The following ARMCX4 variants were observed in gnomAD, a reference collection of about 807,000 sequenced individuals.
ARMCX4 encodes armadillo repeat containing X-linked 4, also known as armadillo repeat-containing X-linked protein 4.
Under a neutral mutation model 34.7 loss-of-function variants are expected in ARMCX4, and 3 were observed. That is an observed-to-expected ratio of 0.09 (90% CI 0.04 to 0.22). The LOEUF (loss-of-function observed/expected upper bound fraction) is 0.22. Ranked by LOEUF, ARMCX4 falls within the 10% of genes least tolerant of loss-of-function variation. The pLI is 1.00. For missense variants in ARMCX4, 1,448 were observed against 1,720.8 expected (o/e 0.84, Z 2.81); for synonymous variants, 513 against 632.8 (o/e 0.81, Z 2.84).
intron 1 of ARMCX4, among the ~76,000 whole-genome samples, chrX:101,485,773 A>C (rs1342013357): frequency 8.9e-6 from 1 of 112,203 alleles, no homozygotes; most frequent in African/African-American, 3.2e-5. Flanking sequence ...CCATCGCTCT[A>C]ATCACTGGCC....
Position 101,493,416 on chromosome X carries a change from T to A in ARMCX4, c.4827T>A (p.Gly1609=), listed in dbSNP as rs1934058733. Residue 1609 remains glycine (G), a synonymous_variant, in exon 6 of 6, where the codon GGT becomes GGA. Coordinates refer to ENST00000423738, the MANE Select transcript of ARMCX4 (RefSeq NM_001256155.3). ...CTGAGGATCAGTCCAGTGGAATAGG[T>A]TCCTGGGGTGTGGCTGGTGGCCAGG... ...PGSEDQSSGI[G]SWGVAGGQVL... is the part of the protein sequence containing the mutation. 6.1e-6 allele frequency: 7 copies of A among 1,146,446 alleles called. No individual in the cohort carries two copies. Among genetic ancestry groups the A allele is most frequent in the Non-Finnish European group, 8.0e-6 (7 of 869,588 alleles). The allele number at this position is 1,146,446 out of a possible 1,213,427, so 94.5% of individuals were successfully genotyped here.
rs1556011590 is a variant in ARMCX4, at chrX:101,495,333, C to T, written c.6744C>T (p.Phe2248=). The part of the protein sequence containing the change: ...RRAKAFTQDK[F]SKNSLYFLFQ... ...CAAAAGCATTTACCCAGGACAAATT[C>T]AGTAAAAATTCCCTTTATTTCCTAT... Residue 2248 remains phenylalanine, a synonymous_variant, in exon 6 of 6, where the codon TTC becomes TTT. Transcript: ENST00000423738. The T allele has an allele frequency of 7.0e-6, 8 of 1,150,698 alleles. No homozygotes were observed. The South Asian group carries it at 1.3e-4, about 19-fold the overall frequency. The allele number at this position is 1,150,698 out of a possible 1,213,427, so 94.8% of individuals were successfully genotyped here.
intron 11 of ARMCX4, among the ~76,000 whole-genome samples, chrX:101,522,917 G>A (rs1556019468): frequency 8.9e-6 from 1 of 112,305 alleles, no homozygotes; most frequent in Non-Finnish European, 1.9e-5. Flanking sequence ...CATTTATATT[G>A]TATTTTATAT....
At chrX:101,500,833 C>T (rs940769550) in intron 7 of ARMCX4, among the ~76,000 whole-genome samples, 2 of 111,549 alleles carry the variant, frequency 1.8e-5, no homozygotes, top group Non-Finnish European at 3.8e-5. Context: ...CTGGACCACT[C>T]GAACATCCTT....
At chrX:101,431,785 T>C (rs1475505055) in intron 2 of ARMCX4, among the ~76,000 whole-genome samples, 103 of 112,077 alleles carry the variant, frequency 9.2e-4, no homozygotes, top group Admixed American at 1.8e-3. Context: ...CCTTGTGATC[T>C]GCCCGCCTCA....
intron 2 of ARMCX4, among the ~76,000 whole-genome samples, chrX:101,438,929 G>T (rs1219614647): frequency 2.7e-5 from 3 of 111,671 alleles, no homozygotes; most frequent in Non-Finnish European, 1.9e-5. Context: ...TATCCAATTT[G>T]CCAGTCTGTA....
chrX:101,488,886 C>A lies in ARMCX4; in HGVS notation c.297C>A (p.Ala99=). The change falls in exon 6 of 6, where the codon GCC becomes GCA. Residue 99 remains alanine (A), a synonymous_variant. Coordinates refer to ENST00000423738, the MANE Select transcript of ARMCX4 (RefSeq NM_001256155.3). ...TKATAIAIHR[A]NSQAKAMVGA... is the part of the protein sequence containing the mutation. ...CCACTGCTATAGCCATACACAGAGCCAACTCTCAGGCCAAGGCAATGGTTG... is the reference window on the plus strand; with the variant it reads ...CCACTGCTATAGCCATACACAGAGCAAACTCTCAGGCCAAGGCAATGGTTG... 2 of 1,156,142 alleles carry A rather than the reference C, an allele frequency of 1.7e-6. No homozygotes were observed. The highest frequency in any genetic ancestry group is 2.3e-6 in the Non-Finnish European group (2 of 872,966).
At chrX:101,496,322 A>G (rs1486789541), downstream of ARMCX4, among the ~76,000 whole-genome samples, 1 of 110,445 alleles carries the variant, frequency 9.1e-6, no homozygotes, top group Non-Finnish European at 1.9e-5. Flanking sequence ...CAGGAGTCCA[A>G]GCTGGGGCGG....
At chrX:101,448,912 C>CT (rs3060590), downstream of ARMCX4, among the ~76,000 whole-genome samples, 3,755 of 71,715 alleles carry the variant, frequency 0.052, 105 homozygotes, top group African/African-American at 0.069. Flanking sequence ...CTTTTCTTTC[C>CT]TTTTTTTTTT....
At position 101,464,047 on chromosome X, in the gene ARMCX4, C is replaced by T. The variant is rs1317380141; in HGVS notation, c.-473+18003C>T. Among the ~76,000 whole-genome samples, 5 of 110,084 alleles carry T rather than the reference C, an allele frequency of 4.5e-5. No homozygotes were observed. In the South Asian group the frequency reaches 1.2e-3, roughly 26 times the overall value. On this transcript the variant is annotated intron_variant and NMD_transcript_variant, in intron 4 of 15. Coordinates refer to the ARMCX4 transcript ENST00000433011. ...TGCTGGGATTATAGGCGTGAGCCACCGCGCCCAGCCTATTTTTTCTAAGAT... is the reference window on the plus strand; with the variant it reads ...TGCTGGGATTATAGGCGTGAGCCACTGCGCCCAGCCTATTTTTTCTAAGAT...
chrX:101,481,096 C>A (rs1752221282), upstream of ARMCX4, among the ~76,000 whole-genome samples: 1 of 111,689 alleles, frequency 9.0e-6, no homozygotes, highest in Non-Finnish European at 1.9e-5. Flanking sequence ...TGCACTCCAG[C>A]CTGGGCAACA....
intron 4 of ARMCX4, among the ~76,000 whole-genome samples, chrX:101,479,175 G>A (rs1216222647): frequency 9.1e-6 from 1 of 110,186 alleles, no homozygotes; most frequent in East Asian, 2.8e-4. Context: ...TATAAAAATA[G>A]TGAAATCATT....
chrX:101,497,470 C>A (rs1934204941), downstream of ARMCX4, among the ~76,000 whole-genome samples: 1 of 111,054 alleles, frequency 9.0e-6, no homozygotes, highest in African/African-American at 3.3e-5. Context: ...AACTCCTGAC[C>A]TCAGGTGATC....
In ARMCX4 at chrX:101,490,076, T is replaced by C. The variant is rs1194710882; in HGVS notation, c.1487T>C (p.Val496Ala). ...SDGKIKVRGNVNTMPKEGAGV... is the reference protein window; with the variant it reads ...SDGKIKVRGNANTMPKEGAGV... ...GGCAAAATTAAGGTCAGGGGCAATG[T>C]CAATACCATGCCTAAGGAAGGAGCT... is the stretch of plus-strand genomic sequence containing the variant. Residue 496 changes from valine to alanine, a missense_variant, in exon 6 of 6, where the codon GTC becomes GCC. Physicochemically the swap from Val to Ala is moderately conservative, Grantham distance 64. Coordinates refer to ENST00000423738, the MANE Select transcript of ARMCX4 (RefSeq NM_001256155.3). The C allele has an allele frequency of 1.7e-6, 2 of 1,154,112 alleles. No individual in the cohort carries two copies. Among genetic ancestry groups the C allele is most frequent in the African/African-American group, 1.8e-5 (1 of 55,711 alleles).
chrX:101,450,841 G>T (rs1254700330), downstream of ARMCX4, among the ~76,000 whole-genome samples: 3 of 111,504 alleles, frequency 2.7e-5, no homozygotes, highest in Non-Finnish European at 5.6e-5. Context: ...TTGGCCCACA[G>T]TGTGTATAGA....
At chrX:101,507,269 A>G (rs1248915815) in intron 8 of ARMCX4, among the ~76,000 whole-genome samples, 6 of 111,668 alleles carry the variant, frequency 5.4e-5, no homozygotes, top group African/African-American at 2.0e-4. Flanking sequence ...TTGTCATGTA[A>G]TAGCTACATG....
At chrX:101,510,007 A>G (rs1417463644) in intron 10 of ARMCX4, among the ~76,000 whole-genome samples, 1 of 111,815 alleles carries the variant, frequency 8.9e-6, no homozygotes, top group African/African-American at 3.3e-5. Flanking sequence ...TAAAAAATGC[A>G]GTGAAAAACC....
rs1178280010 is a variant in ARMCX4, at chrX:101,519,837, CT to C, written c.*1780+8792del. On this transcript the variant is annotated intron_variant and NMD_transcript_variant, in intron 11 of 12. Coordinates refer to the ARMCX4 transcript ENST00000354842. ...CCACATCCTCATCAACACTGGTTAT[CT>C]TTTTTTTTTGATAATAGACATTCTA... is the stretch of plus-strand genomic sequence containing the variant. 2.4e-4 allele frequency among the ~76,000 whole-genome samples: 26 copies of C among 107,333 alleles called. No homozygotes were observed. The South Asian group carries it at 3.2e-3, about 13-fold the overall frequency. 93.2% of individuals were successfully genotyped at this position (107,333 alleles called of 115,157 possible).
At chrX:101,485,771 C>G (rs781913893) in intron 1 of ARMCX4, among the ~76,000 whole-genome samples, 2 of 112,279 alleles carry the variant, frequency 1.8e-5, no homozygotes, top group South Asian at 3.7e-4. Flanking sequence ...GCCCATCGCT[C>G]TAATCACTGG....
Sources: allele counts gnomAD v4.1 joint callset (sites outside exome capture counted in the v4.1 genomes callset), GRCh38; gene constraint gnomAD v4.1.1; transcripts MANE v1.5; gene names NCBI Gene and HGNC (gene_info 2026-07-23, HGNC 2026-07-21).